MYH7B: variants seen among roughly 807,000 people sequenced by gnomAD.
MYH7B encodes the protein myosin heavy chain 7B.
A neutral mutation model predicts 234.5 loss-of-function variants in MYH7B; 205 were observed. The observed-to-expected ratio is 0.87, with a 90% CI of 0.78 to 0.98. The LOEUF (loss-of-function observed/expected upper bound fraction) is 0.98, where lower values mean the gene tolerates loss of function less well. MYH7B is among the 50% of genes least tolerant of loss of function. The probability of loss-of-function intolerance (pLI) is 0.00; values close to 1 mark genes in which losing one functional copy is unlikely to be tolerated. For missense variants in MYH7B, 2,652 were observed against 2,633.4 expected, an observed-to-expected ratio of 1.01 and a Z score of -0.15; for synonymous variants, 1,193 against 1,105.0, an observed-to-expected ratio of 1.08 and a Z score of -1.58.
At chr20:34,990,122 G>A (rs753672942) in exon 21 of MYH7B, 3 of 1,614,146 alleles carry the variant, frequency 1.9e-6, no homozygotes, top group African/African-American at 2.7e-5. Context: ...GACTCTCTAT[G>A]AGAATTATGC....
At chr20:34,981,937 C>T (rs566462334) in intron 9 of MYH7B, 390 of 153,994 alleles carry the variant, frequency 2.5e-3, no homozygotes, top group Non-Finnish European at 4.5e-3. Flanking sequence ...CCTGTAATCC[C>T]AGCACTTGGG....
chr20:34,956,685 G>T (rs1441877334), intron 1 of MYH7B, among the ~76,000 whole-genome samples: 4 of 152,228 alleles, frequency 2.6e-5, no homozygotes, highest in Non-Finnish European at 5.9e-5. Flanking sequence ...GGATAGGAAG[G>T]TATAGGTAGT....
chr20:34,959,642 TA>T (rs1261916216), intron 2 of MYH7B, among the ~76,000 whole-genome samples: 4 of 152,012 alleles, frequency 2.6e-5, no homozygotes, highest in Non-Finnish European at 4.4e-5. Flanking sequence ...CATGCCCAGC[TA>T]ATTTTTTGTA....
chr20:34,990,595 T>C (rs1600450126), intron 22 of MYH7B, 143 bp from the exon 23 acceptor site: 1 of 783,250 alleles, frequency 1.3e-6, no homozygotes, highest in Non-Finnish European at 2.2e-6. Flanking sequence ...CAGCGAAGGG[T>C]CTCCCATCAC....
chr20:35,001,343 A>G lies in MYH7B; in HGVS notation c.5574A>G (p.Ala1858=), dbSNP rs2082376142. Residue 1858 remains alanine (A), a synonymous_variant, in exon 42 of 45, where the codon GCA becomes GCG. Coordinates refer to ENST00000262873, the Ensembl canonical transcript of MYH7B. ...ATGAGCGCCGTGTCAAGGAGCTCGC[A>G]TACCAGGTGGGCGACAGGGTCTCCC... The G allele has an allele frequency of 6.2e-7, 1 of 1,608,518 alleles. No homozygotes were observed. Among genetic ancestry groups the G allele is most frequent in the Non-Finnish European group, 8.5e-7 (1 of 1,177,742 alleles).
intron 5 of MYH7B, 102 bp downstream of exon 5, chr20:34,978,198 A>G: frequency 1.4e-6 from 2 of 1,403,214 alleles, no homozygotes; most frequent in Non-Finnish European, 2.0e-6. Flanking sequence ...CTGAAGGGGC[A>G]TTGGGGCCTG....
rs765665595 is a variant in MYH7B at position 34,988,058 on chromosome 20, G to A, written c.1417-34G>A. 6.3e-6 allele frequency: 10 copies of A among 1,595,400 alleles called. No homozygotes were observed. In the African/African-American group the frequency reaches 1.2e-4, roughly 19 times the overall value. ...CGGGCCTCCCTTTCCCCATCTGCGA[G>A]AGGTCTGCTGAGCCAGGCCCCTCCC... is the stretch of plus-strand genomic sequence containing the variant. On this transcript the variant is annotated intron_variant, in intron 18 of 44. Coordinates refer to ENST00000262873, the Ensembl canonical transcript of MYH7B.
chr20:34,991,166 G>A, intron 24 of MYH7B, 45 bp downstream of exon 24: 1 of 1,402,458 alleles, frequency 7.1e-7, no homozygotes, highest in Non-Finnish European at 9.9e-7. Flanking sequence ...GTGGAGGCCT[G>A]AGGGGCTGGG....
At chr20:34,998,558 C>G (rs770398052) in exon 34 of MYH7B, 4 of 1,613,740 alleles carry the variant, frequency 2.5e-6, no homozygotes, top group Non-Finnish European at 3.4e-6. Context: ...GATCAGTCAG[C>G]TGAGCCGTGG....
At position 34,978,108 on chromosome 20, in the gene MYH7B, C is replaced by A; in HGVS notation, c.91+12C>A. 1 of 1,613,768 alleles carries A rather than the reference C, an allele frequency of 6.2e-7. No individual in the cohort carries two copies. Among genetic ancestry groups the A allele is most frequent in the East Asian group, 2.2e-5 (1 of 44,872 alleles). ...TATCCCATGGGACGGTAAGTGGAGA[C>A]AGAGGGGGAGGGGTCATAGCCACAG... On this transcript the variant is annotated intron_variant, in intron 5 of 44. Coordinates refer to ENST00000262873, the Ensembl canonical transcript of MYH7B.
In MYH7B at chr20:34,997,633, G is replaced by A. The variant is rs1444662807; in HGVS notation, c.3740G>A (p.Arg1247His). Residue 1247 changes from arginine to histidine, a missense_variant, in exon 32 of 45, where the codon CGC becomes CAC. Coordinates refer to ENST00000262873, the Ensembl canonical transcript of MYH7B. ...GCTGCCAACGTGGAGACTCTGACCC[G>A]CGCCAAGGTGTCCGTGCCTTCCTCA... 4.3e-6 allele frequency: 7 copies of A among 1,613,152 alleles called. No individual in the cohort carries two copies. In the African/African-American group the frequency reaches 5.3e-5, roughly 12 times the overall value.
intron 25 of MYH7B, 30 bp downstream of exon 25, chr20:34,993,255 A>T (rs758583410): frequency 3.1e-6 from 5 of 1,613,816 alleles, no homozygotes; most frequent in Non-Finnish European, 4.2e-6. Context: ...AGGGCTGGCC[A>T]TGGCTGTGGC....
At chr20:34,993,711 C>T (rs1403395095) in intron 26 of MYH7B, among the ~76,000 whole-genome samples, 1 of 152,248 alleles carries the variant, frequency 6.6e-6, no homozygotes, top group Non-Finnish European at 1.5e-5. Context: ...CGATGGCACC[C>T]AGTGTCTTCC....
At chr20:34,977,232 C>T (rs2081868756) in intron 3 of MYH7B, among the ~76,000 whole-genome samples, 1 of 152,066 alleles carries the variant, frequency 6.6e-6, no homozygotes, top group Non-Finnish European at 1.5e-5. Context: ...GCCTCAGTTT[C>T]CCTGGATGTA....
At chr20:34,998,212 C>T in intron 32 of MYH7B, 83 bp from the exon 33 acceptor site, 2 of 1,528,984 alleles carry the variant, frequency 1.3e-6, no homozygotes, top group Non-Finnish European at 1.8e-6. Context: ...TTACCAGTCT[C>T]TGATCCCAGA....
chr20:34,999,734 G>A, intron 37 of MYH7B, 39 bp downstream of exon 37: 1 of 1,606,626 alleles, frequency 6.2e-7, no homozygotes, highest in Non-Finnish European at 8.5e-7. Context: ...ACACTGACCT[G>A]CTGCTCCACT....
intron 2 of MYH7B, among the ~76,000 whole-genome samples, chr20:34,965,130 G>A (rs994226874): frequency 1.3e-5 from 2 of 152,144 alleles, no homozygotes; most frequent in Non-Finnish European, 1.5e-5. Flanking sequence ...GGCCTCAAGT[G>A]ACCCTCTTGC....
rs781656295 is a variant in MYH7B at position 34,979,642 on chromosome 20, G to T, written c.199-19G>T. 2.2e-5 allele frequency: 35 copies of T among 1,613,784 alleles called. No homozygotes were observed. Among genetic ancestry groups the T allele is most frequent in the Non-Finnish European group, 2.8e-5 (33 of 1,179,918 alleles). On this transcript the variant is annotated intron_variant, in intron 6 of 44. Transcript: ENST00000262873. The stretch of plus-strand genomic sequence containing the variant: ...GGTTCCTCCCGGTCCCCCGGCCCCT[G>T]ACACGATCTCCCTGGTAGGTGCTGA...
At chr20:34,990,805 CCAA>C in exon 23 of MYH7B, 1 of 1,614,184 alleles carries the variant, frequency 6.2e-7, no homozygotes, top group South Asian at 1.1e-5. Context: ...TGCATTGTCC[CCAA>C]CGAGAACAAA....
Sources: allele counts gnomAD v4.1 joint callset (sites outside exome capture counted in the v4.1 genomes callset), GRCh38; gene constraint gnomAD v4.1.1; transcripts MANE v1.5; gene names NCBI Gene and HGNC (gene_info 2026-07-23, HGNC 2026-07-21).